Variants in EAF2 observed in about 807,000 individuals in gnomAD.
EAF2 encodes the protein ELL associated factor 2.
EAF2 carries 29 observed loss-of-function variants against 29.4 expected under a neutral mutation model. That is an observed-to-expected ratio of 0.99 (90% confidence interval 0.73 to 1.35). The LOEUF (loss-of-function observed/expected upper bound fraction) is 1.35. Among genes scored for constraint, EAF2 ranks in the 40% most tolerant of loss-of-function variants. The pLI, the probability that EAF2 is intolerant of heterozygous loss-of-function variation, is 0.00. For missense variants in EAF2, 292 were observed against 312.0 expected (o/e 0.94, Z 0.48); for synonymous variants, 103 against 102.5 (o/e 1.00, Z -0.03).
At chr3:121,870,983 T>A (rs1362845806) in intron 4 of EAF2, among the ~76,000 whole-genome samples, 3 of 152,068 alleles carry the variant, frequency 2.0e-5, no homozygotes, top group Admixed American at 2.0e-4. Context: ...TGGGAGTTTT[T>A]AATGAAATTA....
At chr3:121,864,222 A>G (rs753324058) in intron 4 of EAF2, among the ~76,000 whole-genome samples, 4 of 152,110 alleles carry the variant, frequency 2.6e-5, no homozygotes, top group Admixed American at 6.5e-5. Flanking sequence ...ACTAAAGCAT[A>G]TTTGCTTCTA....
chr3:121,856,957 T>A, intron 3 of EAF2, 54 bp from the exon 4 acceptor site: 1 of 1,514,422 alleles, frequency 6.6e-7, no homozygotes, highest in Non-Finnish European at 8.9e-7. Flanking sequence ...GTAAGTTAAA[T>A]TTTTGTTACA....
At chr3:121,870,500 A>C (rs1369278239) in intron 4 of EAF2, among the ~76,000 whole-genome samples, 1 of 152,146 alleles carries the variant, frequency 6.6e-6, no homozygotes, top group Non-Finnish European at 1.5e-5. Flanking sequence ...AATGGAGAAG[A>C]AGGAAACTTT....
intron 5 of EAF2, 68 bp downstream of exon 5, chr3:121,872,856 C>A: frequency 6.5e-7 from 1 of 1,546,072 alleles, no homozygotes; most frequent in Non-Finnish European, 8.7e-7. Context: ...TGATTGTGAC[C>A]TAATATTTGG....
intron 5 of EAF2, among the ~76,000 whole-genome samples, chr3:121,881,056 T>G (rs904546458): frequency 3.3e-5 from 5 of 152,258 alleles, no homozygotes; most frequent in African/African-American, 1.2e-4. Context: ...TGAACCATTC[T>G]TACATCTCTG....
In EAF2 at chr3:121,886,436, T is replaced by C; in HGVS notation, c.*48T>C. ...AAATTTATACAGCATGTATAATTTATTTTGTATTAACAATAAAAATTCCTA... is the reference window on the plus strand; with the variant it reads ...AAATTTATACAGCATGTATAATTTACTTTGTATTAACAATAAAAATTCCTA... On this transcript the variant is annotated 3_prime_UTR_variant, in exon 6 of 6. Transcript: ENST00000273668. 8.7e-7 allele frequency: 1 copy of C among 1,153,132 alleles called. No individual in the cohort carries two copies. The highest frequency in any genetic ancestry group is 1.2e-6 in the Non-Finnish European group (1 of 852,874). 71.4% of individuals were successfully genotyped at this position (1,153,132 alleles called of 1,614,324 possible).
intron 4 of EAF2, among the ~76,000 whole-genome samples, chr3:121,859,908 T>C (rs1559823746): frequency 6.6e-6 from 1 of 152,214 alleles, no homozygotes; most frequent in Non-Finnish European, 1.5e-5. Flanking sequence ...TCGAAGGCCT[T>C]TTCTGCATCT....
In EAF2 at chr3:121,835,350, G is replaced by A. The variant is rs778143626; in HGVS notation, c.65G>A (p.Ser22Asn). The change falls in exon 1 of 6, where the codon AGT (serine) becomes AAT (asparagine). Residue 22 changes from serine to asparagine, a missense_variant. Coordinates refer to ENST00000273668, the MANE Select transcript of EAF2 (RefSeq NM_018456.6). ...GAGCGGGTTCTCAAGTTAGGGGAGAGTTTCGAGAAGCAGCCGCGCTGCGCC... is the reference window on the plus strand; with the variant it reads ...GAGCGGGTTCTCAAGTTAGGGGAGAATTTCGAGAAGCAGCCGCGCTGCGCC... Reference protein sequence around the residue: ...RRERVLKLGESFEKQPRCAFH... With the variant: ...RRERVLKLGENFEKQPRCAFH... 27 of 1,614,054 alleles carry A rather than the reference G, an allele frequency of 1.7e-5. No homozygotes were observed. The South Asian group carries it at 2.2e-4, about 13-fold the overall frequency.
intron 4 of EAF2, among the ~76,000 whole-genome samples, chr3:121,859,150 C>T (rs540504354): frequency 4.1e-4 from 62 of 152,192 alleles, no homozygotes; most frequent in Non-Finnish European, 5.3e-4. Context: ...CTTGGCAATG[C>T]GGGCTGTTTT....
chr3:121,879,604 T>TTTTC (rs1222145400), intron 5 of EAF2, among the ~76,000 whole-genome samples: 2 of 81,564 alleles, frequency 2.5e-5, no homozygotes, highest in East Asian at 4.2e-4. Context: ...TTTTCTTTTC[T>TTTTC]TTTCTTTCTT....
At chr3:121,843,247 G>A (rs991018594) in intron 1 of EAF2, among the ~76,000 whole-genome samples, 3 of 152,102 alleles carry the variant, frequency 2.0e-5, no homozygotes, top group South Asian at 2.1e-4. Context: ...AATTGTCATC[G>A]TGAAGCAGGG....
At chr3:121,874,631 T>C (rs986177985) in intron 5 of EAF2, among the ~76,000 whole-genome samples, 1 of 151,960 alleles carries the variant, frequency 6.6e-6, no homozygotes, top group African/African-American at 2.4e-5. Context: ...CACATTGCCT[T>C]GTAGAACTTT....
intron 5 of EAF2, among the ~76,000 whole-genome samples, chr3:121,874,122 G>T (rs1177571913): frequency 6.6e-6 from 1 of 151,702 alleles, no homozygotes; most frequent in Non-Finnish European, 1.5e-5. Flanking sequence ...AGGCATGCAG[G>T]TTGGTATTAC....
At chr3:121,885,201 C>A (rs1359680336) in intron 5 of EAF2, among the ~76,000 whole-genome samples, 2 of 152,182 alleles carry the variant, frequency 1.3e-5, no homozygotes, top group African/African-American at 4.8e-5. Flanking sequence ...ACCTTGGGGT[C>A]ATTCTTCACT....
chr3:121,836,956 C>T (rs1428348809), intron 1 of EAF2, among the ~76,000 whole-genome samples: 1 of 152,162 alleles, frequency 6.6e-6, no homozygotes, highest in East Asian at 1.9e-4. Flanking sequence ...AATAATCTTG[C>T]AGGTCCTTCA....
At chr3:121,860,386 G>A (rs866005879) in intron 4 of EAF2, among the ~76,000 whole-genome samples, 1 of 152,028 alleles carries the variant, frequency 6.6e-6, no homozygotes, top group Non-Finnish European at 1.5e-5. Flanking sequence ...TTTCTTCCTT[G>A]TTTATTCTTG....
At chr3:121,869,747 C>T (rs893919216) in intron 4 of EAF2, among the ~76,000 whole-genome samples, 6 of 151,664 alleles carry the variant, frequency 4.0e-5, no homozygotes, top group African/African-American at 2.4e-5. Context: ...GGCAGTCAGG[C>T]GTGGTGGTGT....
chr3:121,886,285 CA>C, intron 5 of EAF2, 56 bp from the exon 6 acceptor site: 1 of 1,190,144 alleles, frequency 8.4e-7, no homozygotes, highest in Non-Finnish European at 1.1e-6. Context: ...TTGTGTTATG[CA>C]AAAATAATAT....
At chr3:121,871,753 A>C (rs1709018533) in intron 4 of EAF2, among the ~76,000 whole-genome samples, 1 of 151,916 alleles carries the variant, frequency 6.6e-6, no homozygotes, top group Non-Finnish European at 1.5e-5. Context: ...TGGTTTAAAA[A>C]ATTTTGTTCA....
Sources: allele counts gnomAD v4.1 joint callset (sites outside exome capture counted in the v4.1 genomes callset), GRCh38; gene constraint gnomAD v4.1.1; transcripts MANE v1.5; gene names NCBI Gene and HGNC (gene_info 2026-07-23, HGNC 2026-07-21).